SMIM10L3: variants seen among roughly 807,000 people sequenced by gnomAD.
The protein encoded by SMIM10L3 is small integral membrane protein 10 like 3.
the SMIM10L3 span, among the ~76,000 whole-genome samples, chr7:6,342,500 T>C: frequency 7.2e-5 from 11 of 152,010 alleles, no homozygotes; most frequent in African/African-American, 2.2e-4. Context: ...GATCACACCA[T>C]TGCACTGCAG....
the SMIM10L3 span, chr7:6,348,873 C>T: frequency 7.8e-6 from 3 of 385,150 alleles, no homozygotes; most frequent in Non-Finnish European, 1.4e-5. Context: ...GCTAGACCGG[C>T]GGGCGGGCGG....
At chr7:6,329,977 G>C in the SMIM10L3 span, 1 of 212,910 alleles carries the variant, frequency 4.7e-6, no homozygotes, top group East Asian at 1.5e-4. Context: ...AAGTACAGTG[G>C]TGTAGACTTT....
the SMIM10L3 span, among the ~76,000 whole-genome samples, chr7:6,334,334 A>C: frequency 4.6e-5 from 7 of 151,304 alleles, no homozygotes; most frequent in African/African-American, 1.7e-4. Context: ...TCAGGAGTTC[A>C]AGACCAGCCT....
At chr7:6,331,533 C>T in the SMIM10L3 span, among the ~76,000 whole-genome samples, 1 of 151,844 alleles carries the variant, frequency 6.6e-6, no homozygotes, top group Admixed American at 6.6e-5. Flanking sequence ...AGTTGCATGC[C>T]ACCAAGCCCG....
chr7:6,330,204 T>C, the SMIM10L3 span: 39 of 670,358 alleles, frequency 5.8e-5, no homozygotes, highest in Non-Finnish European at 9.4e-5. Context: ...AAAAGTTCCT[T>C]CCGCATCAAC....
chr7:6,345,688 A>G, the SMIM10L3 span, among the ~76,000 whole-genome samples: 21 of 152,166 alleles, frequency 1.4e-4, no homozygotes, highest in Non-Finnish European at 2.4e-4. Context: ...AGGGGAGTAC[A>G]GGAGCCAAAT....
the SMIM10L3 span, among the ~76,000 whole-genome samples, chr7:6,338,449 G>C: frequency 6.6e-6 from 1 of 152,162 alleles, no homozygotes; most frequent in East Asian, 1.9e-4. Flanking sequence ...GATGGAAGGA[G>C]TCTTCAAGAA....
chr7:6,344,432 C>CT, the SMIM10L3 span, among the ~76,000 whole-genome samples: 2 of 152,026 alleles, frequency 1.3e-5, no homozygotes, highest in Admixed American at 6.6e-5. Flanking sequence ...ACACTTGTGT[C>CT]TTTTTTTACA....
chr7:6,333,901 C>T, the SMIM10L3 span, among the ~76,000 whole-genome samples: 3 of 136,510 alleles, frequency 2.2e-5, no homozygotes, highest in East Asian at 2.2e-4. Flanking sequence ...GGCTGGAGTG[C>T]AGTGGCGCCA....
chr7:6,348,950 A>AGGAT, the SMIM10L3 span: 1 of 379,412 alleles, frequency 2.6e-6, no homozygotes, highest in African/African-American at 2.1e-5. Flanking sequence ...CGCCTGTACC[A>AGGAT]GCCTGGCCGC....
At chr7:6,340,585 G>A in the SMIM10L3 span, among the ~76,000 whole-genome samples, 2 of 152,184 alleles carry the variant, frequency 1.3e-5, no homozygotes, top group East Asian at 1.9e-4. Context: ...CAGACTCGAA[G>A]GAGGGCAGGT....
chr7:6,337,092 A>G, the SMIM10L3 span, among the ~76,000 whole-genome samples: 29 of 149,094 alleles, frequency 1.9e-4, no homozygotes, highest in Middle Eastern at 3.4e-3. Context: ...TTTTTGAGAC[A>G]AGAGTCTCTC....
chr7:6,348,829 C>T, the SMIM10L3 span: 1 of 394,612 alleles, frequency 2.5e-6, no homozygotes, highest in East Asian at 3.6e-5. Flanking sequence ...AGCTGACCCT[C>T]GCCTGGCGTG....
the SMIM10L3 span, chr7:6,330,675 T>A: frequency 2.5e-6 from 4 of 1,613,344 alleles, no homozygotes; most frequent in Non-Finnish European, 3.4e-6. Context: ...TTTCCGGCAC[T>A]TTTTGATGGC....
chr7:6,348,787 C>A, the SMIM10L3 span: 11 of 397,254 alleles, frequency 2.8e-5, no homozygotes, highest in East Asian at 2.5e-4. Flanking sequence ...ACAGCCCCCC[C>A]GCCCGCCCTC....
chr7:6,340,192 G>A, the SMIM10L3 span, among the ~76,000 whole-genome samples: 2 of 152,076 alleles, frequency 1.3e-5, no homozygotes, highest in African/African-American at 4.8e-5. Flanking sequence ...GCCCCTCCCA[G>A]GATTCTGTGA....
the SMIM10L3 span, among the ~76,000 whole-genome samples, chr7:6,339,062 A>G: frequency 6.6e-6 from 1 of 152,186 alleles, no homozygotes; most frequent in African/African-American, 2.4e-5. Flanking sequence ...CACACAGCCT[A>G]GAGGAGGAGA....
the SMIM10L3 span, among the ~76,000 whole-genome samples, chr7:6,344,514 C>T: frequency 1.3e-5 from 2 of 152,062 alleles, no homozygotes; most frequent in Non-Finnish European, 2.9e-5. Flanking sequence ...CCTCGACCTT[C>T]TGGCCTCAAG....
At chr7:6,347,562 C>A in the SMIM10L3 span, among the ~76,000 whole-genome samples, 1 of 151,920 alleles carries the variant, frequency 6.6e-6, no homozygotes, top group Non-Finnish European at 1.5e-5. Flanking sequence ...AAGGCGGTCT[C>A]CAGGGTGCTG....
Sources: allele counts gnomAD v4.1 joint callset (sites outside exome capture counted in the v4.1 genomes callset), GRCh38; gene constraint gnomAD v4.1.1; transcripts MANE v1.5; gene names NCBI Gene and HGNC (gene_info 2026-07-23, HGNC 2026-07-21).